Variants in CILK1 observed in about 807,000 individuals in gnomAD.
The protein encoded by CILK1 is ciliogenesis associated kinase 1.
Under a neutral mutation model 79.2 loss-of-function variants are expected in CILK1, and 47 were observed. The ratio of observed to expected loss-of-function variants is 0.59; its 90% CI spans 0.47 to 0.76. CILK1 has a LOEUF of 0.76. Ranked by LOEUF, CILK1 falls within the 30% of genes least tolerant of loss-of-function variation. The pLI is 0.00. For missense variants in CILK1, 660 were observed against 769.5 expected (o/e 0.86, Z 1.68); for synonymous variants, 266 against 275.9 (o/e 0.96, Z 0.36).
chr6:53,051,931 TTTTA>T (rs1422914854), intron 1 of CILK1: 1 of 152,230 alleles, frequency 6.6e-6, no homozygotes, highest in African/African-American at 2.4e-5. Context: ...TACTTATCTC[TTTTA>T]TTTTACTTTA....
At position 53,006,484 on chromosome 6, in the gene CILK1, A is replaced by G. The variant is rs773936894; in HGVS notation, c.1622-47T>C. On this transcript the variant is annotated intron_variant, in intron 12 of 13. Coordinates refer to ENST00000676107, the MANE Select transcript of CILK1 (RefSeq NM_014920.5). ...CTCATTATTACAAAGACATGTACCCAGGACACCAACAAGGTTAAATGACAG... is the reference window on the plus strand; with the variant it reads ...CTCATTATTACAAAGACATGTACCCGGGACACCAACAAGGTTAAATGACAG... 7 of 1,605,626 alleles carry G rather than the reference A, an allele frequency of 4.4e-6. No individual in the cohort carries two copies. The Admixed American group carries it at 1.2e-4, about 27-fold the overall frequency.
At chr6:53,056,139 T>A (rs1767850689) in intron 1 of CILK1, among the ~76,000 whole-genome samples, 1 of 152,218 alleles carries the variant, frequency 6.6e-6, no homozygotes, top group Admixed American at 6.5e-5. Context: ...CCTTTCTGGT[T>A]CTAACGCATT....
chr6:53,022,102 A>G (rs959853190), intron 5 of CILK1, among the ~76,000 whole-genome samples: 1 of 152,336 alleles, frequency 6.6e-6, no homozygotes, highest in South Asian at 2.1e-4. Context: ...TTGTATAGCC[A>G]TATGTGTTAA....
intron 12 of CILK1, among the ~76,000 whole-genome samples, chr6:53,008,499 C>A (rs1235902325): frequency 1.3e-5 from 2 of 151,672 alleles, no homozygotes; most frequent in East Asian, 3.9e-4. Flanking sequence ...AATCTTGGCT[C>A]ACTGCAACCT....
chr6:53,049,496 T>A (rs1023073182), intron 1 of CILK1, among the ~76,000 whole-genome samples: 1 of 152,210 alleles, frequency 6.6e-6, no homozygotes, highest in Non-Finnish European at 1.5e-5. Flanking sequence ...CGGCCCTCAG[T>A]ATCACTCCAG....
chr6:53,059,698 A>G (rs160628), intron 1 of CILK1, among the ~76,000 whole-genome samples: 2,743 of 152,282 alleles, frequency 0.018, 86 homozygotes, highest in African/African-American at 0.063. Flanking sequence ...AGGAAGGGAA[A>G]GGCTGATTAT....
intron 3 of CILK1, 135 bp downstream of exon 3, chr6:53,037,804 T>TA: frequency 1.6e-6 from 1 of 641,056 alleles, no homozygotes; most frequent in Admixed American, 2.7e-5. Context: ...GCTTCAGCTG[T>TA]AATGTTATCA....
chr6:53,040,505 C>T (rs1766630740), intron 2 of CILK1, among the ~76,000 whole-genome samples: 1 of 152,240 alleles, frequency 6.6e-6, no homozygotes, highest in Admixed American at 6.5e-5. Flanking sequence ...ACAAAATGAG[C>T]TCAGAAGTGG....
chr6:53,055,947 T>C (rs2127471185), intron 1 of CILK1, among the ~76,000 whole-genome samples: 1 of 151,950 alleles, frequency 6.6e-6, no homozygotes. Flanking sequence ...AGAACGAGAG[T>C]CCCCAGCTTA....
chr6:53,054,319 G>A (rs1767696493), intron 1 of CILK1, among the ~76,000 whole-genome samples: 1 of 152,034 alleles, frequency 6.6e-6, no homozygotes. Context: ...TGTACCCTCT[G>A]CTTCAGCCTC....
At chr6:53,045,216 G>A (rs1422564948) in intron 1 of CILK1, among the ~76,000 whole-genome samples, 2 of 152,156 alleles carry the variant, frequency 1.3e-5, no homozygotes, top group South Asian at 2.1e-4. Flanking sequence ...CATGATTACT[G>A]TATTATGGAA....
intron 8 of CILK1, among the ~76,000 whole-genome samples, chr6:53,015,614 G>GTGC (rs1460649336): frequency 6.6e-6 from 1 of 152,224 alleles, no homozygotes; most frequent in East Asian, 1.9e-4. Context: ...TTTGCACACT[G>GTGC]TAAAGTGCTA....
At chr6:53,026,582 T>G (rs758097944) in intron 5 of CILK1, among the ~76,000 whole-genome samples, 1 of 152,204 alleles carries the variant, frequency 6.6e-6, no homozygotes, top group Non-Finnish European at 1.5e-5. Context: ...CATGGCTCCA[T>G]TTTTTGCTAA....
chr6:53,021,059 G>A (rs1476199451), intron 5 of CILK1, among the ~76,000 whole-genome samples: 1 of 152,180 alleles, frequency 6.6e-6, no homozygotes, highest in Non-Finnish European at 1.5e-5. Flanking sequence ...GGTGGCTCAC[G>A]CCTGTAATCC....
intron 5 of CILK1, among the ~76,000 whole-genome samples, chr6:53,021,175 A>G (rs2127422930): frequency 6.6e-6 from 1 of 152,290 alleles, no homozygotes; most frequent in South Asian, 2.1e-4. Flanking sequence ...TATTTTAAAA[A>G]TTAGCCGGGC....
At chr6:53,010,980 C>T (rs2127406554) in intron 11 of CILK1, among the ~76,000 whole-genome samples, 1 of 152,326 alleles carries the variant, frequency 6.6e-6, no homozygotes, top group South Asian at 2.1e-4. Flanking sequence ...ATAATATTCG[C>T]AGTGCTTGGC....
At chr6:53,033,302 G>A (rs1026262777) in intron 3 of CILK1, among the ~76,000 whole-genome samples, 1 of 152,194 alleles carries the variant, frequency 6.6e-6, no homozygotes, top group African/African-American at 2.4e-5. Flanking sequence ...GATGAGGAAT[G>A]AGAGGGTGGC....
At chr6:53,030,627 T>C (rs913921629) in intron 5 of CILK1, among the ~76,000 whole-genome samples, 4 of 152,224 alleles carry the variant, frequency 2.6e-5, no homozygotes, top group Non-Finnish European at 5.9e-5. Context: ...TTATTCTATT[T>C]TCCTGTGTCG....
intron 9 of CILK1, 105 bp from the exon 10 acceptor site, chr6:53,012,332 G>A: frequency 2.0e-6 from 2 of 1,004,200 alleles, no homozygotes; most frequent in Non-Finnish European, 3.1e-6. Flanking sequence ...GGAGGCTCCT[G>A]GGGCATAACA....
Sources: allele counts gnomAD v4.1 joint callset (sites outside exome capture counted in the v4.1 genomes callset), GRCh38; gene constraint gnomAD v4.1.1; transcripts MANE v1.5; gene names NCBI Gene and HGNC (gene_info 2026-07-23, HGNC 2026-07-21).